The following TNS3 variants were observed in gnomAD, a reference collection of about 807,000 sequenced individuals.
TNS3 encodes the protein tensin-3.
Under a neutral mutation model 140.9 loss-of-function variants are expected in TNS3, and 45 were observed. The ratio of observed to expected loss-of-function variants is 0.32; its 90% CI spans 0.25 to 0.41. The LOEUF (loss-of-function observed/expected upper bound fraction) is 0.41. Among genes scored for constraint, TNS3 ranks in the 10% least tolerant of loss-of-function variants. The pLI, the probability that TNS3 is intolerant of heterozygous loss-of-function variation, is 1.00. For missense variants in TNS3, 1,716 were observed against 1,906.7 expected (o/e 0.90, Z 1.86); for synonymous variants, 815 against 788.4 (o/e 1.03, Z -0.56).
chr7:47,446,436 C>T (rs528734368), intron 4 of TNS3, among the ~76,000 whole-genome samples: 2 of 152,286 alleles, frequency 1.3e-5, no homozygotes, highest in African/African-American at 4.8e-5. Context: ...ATTAGAGTTT[C>T]CATGAGATAG....
chr7:47,375,702 A>G (rs1791341455), intron 16 of TNS3, among the ~76,000 whole-genome samples: 1 of 152,248 alleles, frequency 6.6e-6, no homozygotes, highest in African/African-American at 2.4e-5. Context: ...TTGAAAACAG[A>G]TTAGGCAATG....
At chr7:47,282,716 G>A (rs545455411) in intron 28 of TNS3, among the ~76,000 whole-genome samples, 97 of 152,316 alleles carry the variant, frequency 6.4e-4, no homozygotes, top group African/African-American at 2.3e-3. Flanking sequence ...GTCAGTGTCA[G>A]GGGCACTGAA....
chr7:47,408,254 T>C (rs1021713376), intron 13 of TNS3, among the ~76,000 whole-genome samples: 4 of 152,114 alleles, frequency 2.6e-5, no homozygotes, highest in African/African-American at 9.7e-5. Context: ...CCCACCCTGT[T>C]CCTGGGCCTG....
At chr7:47,535,068 A>G (rs932464981) in intron 1 of TNS3, among the ~76,000 whole-genome samples, 2 of 152,222 alleles carry the variant, frequency 1.3e-5, no homozygotes, top group African/African-American at 4.8e-5. Context: ...ATTTGTTTAT[A>G]TGCCTTCTCT....
At chr7:47,397,371 T>C (rs567678251) in intron 15 of TNS3, among the ~76,000 whole-genome samples, 1 of 152,104 alleles carries the variant, frequency 6.6e-6, no homozygotes, top group Admixed American at 6.6e-5. Flanking sequence ...TCTATGACAA[T>C]GAACATAGAA....
intron 16 of TNS3, among the ~76,000 whole-genome samples, chr7:47,393,891 C>T (rs985642088): frequency 4.6e-5 from 7 of 152,066 alleles, no homozygotes; most frequent in African/African-American, 1.7e-4. Flanking sequence ...TGCACCCACT[C>T]CCAACTGGCT....
intron 2 of TNS3, among the ~76,000 whole-genome samples, chr7:47,513,271 G>A (rs1012090933): frequency 5.3e-5 from 8 of 152,160 alleles, no homozygotes; most frequent in Non-Finnish European, 1.2e-4. Flanking sequence ...ACAGGCTGAA[G>A]CAATCCTCCT....
In TNS3 at chr7:47,372,123, C is replaced by T. The variant is rs766131985; in HGVS notation, c.1025-2502G>A. 3.9e-5 allele frequency among the ~76,000 whole-genome samples: 6 copies of T among 152,332 alleles called. No homozygotes were observed. The South Asian group carries it at 6.2e-4, about 16-fold the overall frequency. On this transcript the variant is annotated intron_variant, in intron 16 of 30. Coordinates refer to ENST00000311160, the MANE Select transcript of TNS3 (RefSeq NM_022748.12). ...CGTGTGAGAAGGAGGTGCTGATAAA[C>T]GGCTTCTGCTCCGTGAGAATGACAG... is the stretch of plus-strand genomic sequence containing the variant.
At chr7:47,498,623 A>G (rs571958033) in intron 3 of TNS3, among the ~76,000 whole-genome samples, 9 of 152,380 alleles carry the variant, frequency 5.9e-5, no homozygotes, top group African/African-American at 2.2e-4. Flanking sequence ...AAAGATCATA[A>G]TTCTCTTTTG....
At chr7:47,560,798 G>GCCTGGAA (rs1800305698) in intron 1 of TNS3, among the ~76,000 whole-genome samples, 2 of 152,172 alleles carry the variant, frequency 1.3e-5, no homozygotes, top group East Asian at 3.9e-4. Context: ...GGAGCCTGGA[G>GCCTGGAA]CCTCCAAGTC....
intron 4 of TNS3, among the ~76,000 whole-genome samples, chr7:47,447,346 C>G (rs1320421): frequency 0.42 from 64,014 of 151,538 alleles, 14,760 homozygotes; most frequent in Non-Finnish European, 0.51. Context: ...TGTGTCACAG[C>G]AGTGGGCGAG....
intron 2 of TNS3, among the ~76,000 whole-genome samples, chr7:47,518,428 C>T (rs527600163): frequency 6.6e-6 from 1 of 152,364 alleles, no homozygotes; most frequent in Non-Finnish European, 1.5e-5. Context: ...AACACTGCAA[C>T]ACACTTCAAG....
At chr7:47,307,192 G>A (rs1028624762) in intron 20 of TNS3, among the ~76,000 whole-genome samples, 7 of 152,052 alleles carry the variant, frequency 4.6e-5, no homozygotes, top group African/African-American at 1.4e-4. Context: ...CTGCTCATCT[G>A]GTTTATGTCA....
intron 1 of TNS3, among the ~76,000 whole-genome samples, chr7:47,538,023 C>A (rs777653378): frequency 1.4e-5 from 2 of 142,302 alleles, no homozygotes; most frequent in Middle Eastern, 3.7e-3. Flanking sequence ...CACAGCACAT[C>A]TGAAGTCCCG....
intron 17 of TNS3, among the ~76,000 whole-genome samples, chr7:47,361,576 G>A (rs13241829): frequency 0.66 from 100,455 of 152,106 alleles, 35,684 homozygotes; most frequent in Non-Finnish European, 0.81. Flanking sequence ...CAGATAAGCT[G>A]CTTTCTGAAT....
intron 22 of TNS3, among the ~76,000 whole-genome samples, chr7:47,302,696 A>G (rs1363554919): frequency 6.6e-6 from 1 of 152,242 alleles, no homozygotes; most frequent in African/African-American, 2.4e-5. Flanking sequence ...AACCACTGCA[A>G]ATGTCTGCAC....
chr7:47,480,130 G>A (rs537873199), intron 4 of TNS3, among the ~76,000 whole-genome samples: 1 of 152,360 alleles, frequency 6.6e-6, no homozygotes, highest in South Asian at 2.1e-4. Context: ...CAGTTAGCCA[G>A]TTCCATGTCT....
At chr7:47,324,286 T>C in intron 20 of TNS3, among the ~76,000 whole-genome samples, 1 of 152,242 alleles carries the variant, frequency 6.6e-6, no homozygotes, top group East Asian at 1.9e-4. Flanking sequence ...ATTTTTACTT[T>C]ATTATATAAA....
chr7:47,423,627 G>C (rs1403303624), intron 10 of TNS3, among the ~76,000 whole-genome samples: 2 of 152,214 alleles, frequency 1.3e-5, no homozygotes, highest in African/African-American at 4.8e-5. Flanking sequence ...AAGTTTTATT[G>C]CAATACAGCC....
Sources: allele counts gnomAD v4.1 joint callset (sites outside exome capture counted in the v4.1 genomes callset), GRCh38; gene constraint gnomAD v4.1.1; transcripts MANE v1.5; gene names NCBI Gene and HGNC (gene_info 2026-07-23, HGNC 2026-07-21).